Variants in OXR1 observed in about 807,000 individuals in gnomAD.
OXR1 encodes the protein oxidation resistance protein 1.
In OXR1, 41 loss-of-function variants were observed where a neutral mutation model predicts 104.6. The observed-to-expected ratio is 0.39, with a 90% CI of 0.31 to 0.51. The LOEUF is 0.51. Among genes scored for constraint, OXR1 ranks in the 20% least tolerant of loss-of-function variants. The pLI, the probability that OXR1 is intolerant of heterozygous loss-of-function variation, is 0.77. For synonymous variants in OXR1, 348 were observed against 348.4 expected (o/e 1.00, Z 0.01); for missense variants, 955 against 1,031.9 (o/e 0.93, Z 1.02).
At chr8:106,496,676 G>A (rs1267313401) in intron 2 of OXR1, among the ~76,000 whole-genome samples, 5 of 152,160 alleles carry the variant, frequency 3.3e-5, no homozygotes, top group African/African-American at 1.2e-4. Context: ...TAACTACAAG[G>A]AGAGGAAGGG....
At chr8:106,690,021 T>C (rs1829119285) in intron 6 of OXR1, among the ~76,000 whole-genome samples, 1 of 151,228 alleles carries the variant, frequency 6.6e-6, no homozygotes, top group African/African-American at 2.4e-5. Flanking sequence ...ATATATATTT[T>C]TTAACTTAAA....
chr8:106,439,948 A>G (rs1819718766), intron 2 of OXR1, among the ~76,000 whole-genome samples: 1 of 152,124 alleles, frequency 6.6e-6, no homozygotes, highest in South Asian at 2.1e-4. Context: ...TAAATCATTG[A>G]CTAGATTCTG....
intron 4 of OXR1, among the ~76,000 whole-genome samples, chr8:106,680,516 A>G (rs1251329586): frequency 6.6e-6 from 1 of 151,932 alleles, no homozygotes; most frequent in African/African-American, 2.4e-5. Context: ...CAGAACTCTA[A>G]TTTTTTATTG....
In OXR1 at chr8:106,738,238, T is replaced by C. The variant is rs1165944756; in HGVS notation, c.2037+638T>C. On this transcript the variant is annotated intron_variant, in intron 12 of 16. Transcript: ENST00000517566. ...TTATACTGTGTTTCTTTCTTCTTAA[T>C]AAGATATGCTTTCATGGCTCTGCTA... 3.3e-5 allele frequency among the ~76,000 whole-genome samples: 5 copies of C among 152,174 alleles called. No individual in the cohort carries two copies. The East Asian group carries it at 9.6e-4, about 29-fold the overall frequency.
intron 2 of OXR1, among the ~76,000 whole-genome samples, chr8:106,496,320 G>A (rs563602921): frequency 3.3e-5 from 5 of 152,108 alleles, no homozygotes; most frequent in Non-Finnish European, 7.3e-5. Context: ...AGCTCTCCAG[G>A]TGATTCTGAT....
chr8:106,482,514 A>T (rs1251821996), intron 2 of OXR1, among the ~76,000 whole-genome samples: 2 of 151,928 alleles, frequency 1.3e-5, no homozygotes, highest in African/African-American at 2.4e-5. Flanking sequence ...TTTCTTCATT[A>T]TGAAATGGAG....
chr8:106,287,068 A>T (rs989183920), intron 1 of OXR1, among the ~76,000 whole-genome samples: 44 of 152,296 alleles, frequency 2.9e-4, no homozygotes, highest in South Asian at 6.2e-4. Context: ...TTTTAACCAC[A>T]GGAAAGAAAA....
intron 3 of OXR1, among the ~76,000 whole-genome samples, chr8:106,583,371 T>C (rs1054374124): frequency 6.6e-6 from 1 of 152,142 alleles, no homozygotes; most frequent in African/African-American, 2.4e-5. Context: ...AGCCAATGCT[T>C]GCTAAACACT....
At chr8:106,476,983 C>T (rs1410381312) in intron 2 of OXR1, among the ~76,000 whole-genome samples, 1 of 151,934 alleles carries the variant, frequency 6.6e-6, no homozygotes. Context: ...GCCACGACTA[C>T]ACAAATTTTC....
chr8:106,371,028 G>A (rs1223077297), intron 2 of OXR1, among the ~76,000 whole-genome samples: 1 of 150,604 alleles, frequency 6.6e-6, no homozygotes, highest in Non-Finnish European at 1.5e-5. Flanking sequence ...GTCTGGTCCT[G>A]GGCTTTTTTT....
At chr8:106,566,671 G>T (rs964104203) in intron 3 of OXR1, among the ~76,000 whole-genome samples, 1 of 152,126 alleles carries the variant, frequency 6.6e-6, no homozygotes. Flanking sequence ...ACATGCACAC[G>T]CATGTTTATT....
At chr8:106,627,308 A>C (rs1822257251) in intron 3 of OXR1, among the ~76,000 whole-genome samples, 1 of 152,086 alleles carries the variant, frequency 6.6e-6, no homozygotes, top group Admixed American at 6.6e-5. Context: ...TGCATTCATT[A>C]CTTTTTAAAT....
At chr8:106,590,575 C>T (rs753796945) in intron 3 of OXR1, among the ~76,000 whole-genome samples, 2 of 152,300 alleles carry the variant, frequency 1.3e-5, no homozygotes. Context: ...CATGAGCCAC[C>T]GTGCCCGGCC....
Position 106,694,553 on chromosome 8 carries a change from TATGTTTATATATATTTGATATATAA to T in OXR1, c.675+1704_675+1728del, listed in dbSNP as rs1464131197. Among the ~76,000 whole-genome samples the T allele has an allele frequency of 2.4e-3, 302 of 128,376 alleles. 2 individuals carry two copies. The highest frequency in any genetic ancestry group is 3.5e-3 in the Non-Finnish European group (225 of 63,536). 84.2% of individuals were successfully genotyped at this position (128,376 alleles called of 152,430 possible). On this transcript the variant is annotated intron_variant, in intron 7 of 16. Transcript: ENST00000517566. Reference sequence around the variant, plus strand: ...TGTTTATATATATTTGATATATAAATATGTTTATATATATTTGATATATAAATGTTTATATATATTTGATATATAA... The same window carrying T: ...TGTTTATATATATTTGATATATAAATATGTTTATATATATTTGATATATAA...
chr8:106,752,661 A>G lies in OXR1; in HGVS notation c.*1720A>G, dbSNP rs1835966326. On this transcript the variant is annotated 3_prime_UTR_variant, in exon 17 of 17. Coordinates refer to ENST00000517566, the MANE Select transcript of OXR1 (RefSeq NM_001198533.2). ...TCTACTAAAATAAGGTCATAGTGGC[A>G]TATACCAAATAAAATCAAATACAGA... 1 of 152,558 alleles carries G rather than the reference A, an allele frequency of 6.6e-6. No homozygotes were observed. The highest frequency in any genetic ancestry group is 2.4e-5 in the African/African-American group (1 of 41,456). 9.5% of individuals were successfully genotyped at this position (152,558 alleles called of 1,614,324 possible).
intron 2 of OXR1, among the ~76,000 whole-genome samples, chr8:106,478,552 G>A (rs944756363): frequency 2.6e-5 from 4 of 151,760 alleles, no homozygotes; most frequent in African/African-American, 9.7e-5. Context: ...TATAAAAAAG[G>A]ATGAAGTGAA....
chr8:106,345,896 G>T (rs1263057410), intron 1 of OXR1, among the ~76,000 whole-genome samples: 1 of 152,102 alleles, frequency 6.6e-6, no homozygotes, highest in Non-Finnish European at 1.5e-5. Flanking sequence ...TTGAAACCAT[G>T]GATTACCTAC....
chr8:106,740,428 C>T lies in OXR1; in HGVS notation c.2249C>T (p.Thr750Ile). ...GGAAAACATGGCACAAGCTTGAAAA[C>T]TCTTTATCGAACAATGACAGGTTTA... ...GTGKHGTSLK[T>I]LYRTMTGLDT... is the part of the protein sequence containing the mutation. Residue 750 changes from threonine to isoleucine, a missense_variant, in exon 14 of 17, where the codon ACT (threonine) becomes ATT (isoleucine). Thr to Ile is a moderately conservative substitution (Grantham distance 89). This residue lies in a region of OXR1 where 106 missense variants were observed against 179.0 expected (regional missense o/e 0.59). Transcript: ENST00000517566. The T allele has an allele frequency of 6.2e-7, 1 of 1,613,162 alleles. No homozygotes were observed. The highest frequency in any genetic ancestry group is 8.5e-7 in the Non-Finnish European group (1 of 1,179,364).
chr8:106,737,562 A>G lies in OXR1; in HGVS notation c.1999A>G (p.Asn667Asp). ...GTATCACCGCAGGATCGATGCTCTAAATACTGAAGAACTGCGCACACTCTG... is the reference window on the plus strand; with the variant it reads ...GTATCACCGCAGGATCGATGCTCTAGATACTGAAGAACTGCGCACACTCTG... ...AEYHRRIDAL[N>D]TEELRTLCRR... is the part of the protein sequence containing the mutation. Residue 667 changes from asparagine to aspartate, a missense_variant, in exon 12 of 17, where the codon AAT becomes GAT. Physicochemically the swap from Asn to Asp is conservative, Grantham distance 23 (BLOSUM62 1). Around this residue, in one of 2 missense-constraint regions of OXR1, gnomAD observed 849 missense variants for 852.9 expected, o/e 1.00. Transcript: ENST00000517566. 3 of 1,442,266 alleles carry G rather than the reference A, an allele frequency of 2.1e-6. No homozygotes were observed. Among genetic ancestry groups the G allele is most frequent in the Non-Finnish European group, 2.7e-6 (3 of 1,092,320 alleles). 89.3% of individuals were successfully genotyped at this position (1,442,266 alleles called of 1,614,324 possible).
Sources: gnomAD v4.1 joint callset for allele counts (sites outside exome capture counted in the v4.1 genomes callset) on GRCh38, gnomAD v4.1.1 for gene constraint, gnomAD v4.1.1 regional missense constraint, MANE v1.5 for transcripts, NCBI Gene and HGNC (gene_info 2026-07-23, HGNC 2026-07-21) for gene names.